The following PCBD2 variants were observed in gnomAD, a reference collection of about 807,000 sequenced individuals.
The protein encoded by PCBD2 is pterin-4-alpha-carbinolamine dehydratase 2.
PCBD2 carries 12 observed loss-of-function variants against 16.4 expected under a neutral mutation model. The ratio of observed to expected loss-of-function variants is 0.73; its 90% CI spans 0.47 to 1.19. The LOEUF (loss-of-function observed/expected upper bound fraction) is 1.19, where lower values mean the gene tolerates loss of function less well. PCBD2 is among the 50% of genes most tolerant of loss of function. The pLI is 0.00. For missense variants in PCBD2, 138 were observed against 156.8 expected, an observed-to-expected ratio of 0.88 and a Z score of 0.64; for synonymous variants, 58 against 61.8, an observed-to-expected ratio of 0.94 and a Z score of 0.29.
intron 2 of PCBD2, among the ~76,000 whole-genome samples, chr5:134,921,790 C>T (rs1750906707): frequency 6.6e-6 from 1 of 152,224 alleles, no homozygotes; most frequent in Non-Finnish European, 1.5e-5. Context: ...GGCCTGGATA[C>T]AGCTGCCTTC....
At chr5:134,927,269 A>G (rs4999023) in intron 2 of PCBD2, 2 of 398,192 alleles carry the variant, frequency 5.0e-6, no homozygotes, top group Admixed American at 4.4e-5. Flanking sequence ...GGTAGGCTAT[A>G]TGTTTTGTCA....
intron 2 of PCBD2, among the ~76,000 whole-genome samples, chr5:134,929,392 C>T (rs548754128): frequency 6.7e-6 from 1 of 149,652 alleles, no homozygotes; most frequent in South Asian, 2.1e-4. Flanking sequence ...AATGTCATGT[C>T]ACAGAATCCA....
At chr5:134,917,103 G>A (rs1750842941) in intron 2 of PCBD2, among the ~76,000 whole-genome samples, 1 of 152,240 alleles carries the variant, frequency 6.6e-6, no homozygotes, top group South Asian at 2.1e-4. Context: ...AGAAATGTGG[G>A]TGTGAGAGTC....
chr5:134,950,105 A>G (rs1251370469), intron 2 of PCBD2, among the ~76,000 whole-genome samples: 1 of 152,270 alleles, frequency 6.6e-6, no homozygotes, highest in Non-Finnish European at 1.5e-5. Context: ...ATTTCCTTCC[A>G]TAGCAATTGT....
chr5:134,949,015 A>C (rs1751330405), intron 2 of PCBD2, among the ~76,000 whole-genome samples: 1 of 152,034 alleles, frequency 6.6e-6, no homozygotes, highest in South Asian at 2.1e-4. Flanking sequence ...GTGGCGGATC[A>C]AGTAGATGGC....
At chr5:134,937,570 C>T (rs991293797) in intron 2 of PCBD2, among the ~76,000 whole-genome samples, 1 of 152,248 alleles carries the variant, frequency 6.6e-6, no homozygotes, top group African/African-American at 2.4e-5. Flanking sequence ...CAGCGGACAT[C>T]CGCTAATCCA....
intron 1 of PCBD2, among the ~76,000 whole-genome samples, chr5:134,909,849 A>G (rs319595): frequency 0.82 from 124,289 of 152,188 alleles, 51,398 homozygotes; most frequent in African/African-American, 0.95. Context: ...TGGGCAGATC[A>G]CTTGAGCTCA....
At chr5:134,927,640 T>C (rs1401155418) in intron 2 of PCBD2, 3 of 397,956 alleles carry the variant, frequency 7.5e-6, no homozygotes, top group East Asian at 7.1e-5. Flanking sequence ...CATCGGGTGA[T>C]GATAGCCAGG....
At chr5:134,959,977 A>G (rs193057955) in intron 3 of PCBD2, among the ~76,000 whole-genome samples, 1 of 126,246 alleles carries the variant, frequency 7.9e-6, no homozygotes, top group African/African-American at 3.1e-5. Context: ...TGCAGCCTCC[A>G]CCTCCCGGGT....
intron 2 of PCBD2, among the ~76,000 whole-genome samples, chr5:134,939,257 A>C (rs1004929877): frequency 1.3e-5 from 2 of 152,120 alleles, no homozygotes; most frequent in Admixed American, 6.5e-5. Context: ...AGTGGTACAC[A>C]GACAGAAGGT....
At chr5:134,924,922 A>G in intron 2 of PCBD2, 1 of 390,798 alleles carries the variant, frequency 2.6e-6, no homozygotes. Flanking sequence ...TGGGGATTTT[A>G]TTTTGAGTTT....
chr5:134,938,392 CTGAA>C (rs774223000), intron 2 of PCBD2, among the ~76,000 whole-genome samples: 1 of 152,210 alleles, frequency 6.6e-6, no homozygotes, highest in Non-Finnish European at 1.5e-5. Flanking sequence ...AACCTTTTCT[CTGAA>C]TGACCATTTT....
chr5:134,926,694 G>C (rs898496450), intron 2 of PCBD2: 2 of 397,026 alleles, frequency 5.0e-6, no homozygotes, highest in African/African-American at 4.1e-5. Context: ...GGGGTTGAGG[G>C]ATAGGAGGAG....
intron 2 of PCBD2, among the ~76,000 whole-genome samples, chr5:134,914,547 G>A (rs1348722119): frequency 1.3e-5 from 2 of 152,156 alleles, no homozygotes; most frequent in Non-Finnish European, 2.9e-5. Context: ...TGCAATGGAG[G>A]AACAGAGGGA....
intron 2 of PCBD2, among the ~76,000 whole-genome samples, chr5:134,943,740 G>T (rs929372785): frequency 1.1e-4 from 16 of 152,170 alleles, no homozygotes; most frequent in Non-Finnish European, 1.5e-4. Flanking sequence ...GACTGCAGTG[G>T]AGCTGGGGTT....
intron 2 of PCBD2, among the ~76,000 whole-genome samples, chr5:134,951,222 T>C (rs1261451852): frequency 3.3e-5 from 5 of 152,214 alleles, no homozygotes; most frequent in Admixed American, 2.0e-4. Flanking sequence ...CCAGAGATAT[T>C]AATGCATACA....
intron 2 of PCBD2, among the ~76,000 whole-genome samples, chr5:134,948,610 TA>T (rs1751325493): frequency 6.6e-6 from 1 of 152,194 alleles, no homozygotes; most frequent in Non-Finnish European, 1.5e-5. Context: ...GCTTTTCATT[TA>T]ACAGTATATG....
chr5:134,940,178 T>C (rs1244537499), intron 2 of PCBD2, among the ~76,000 whole-genome samples: 1 of 152,220 alleles, frequency 6.6e-6, no homozygotes, highest in East Asian at 1.9e-4. Flanking sequence ...CATTATACTC[T>C]GCATGGCCCA....
In PCBD2 at chr5:134,952,285, A is replaced by G. The variant is rs150481856; in HGVS notation, c.217-6755A>G. Among the ~76,000 whole-genome samples, 639 of 152,222 alleles carry G rather than the reference A, an allele frequency of 4.2e-3. 6 individuals are homozygous for G. Among genetic ancestry groups the G allele is most frequent in the African/African-American group, 0.014 (594 of 41,534 alleles). On this transcript the variant is annotated intron_variant, in intron 2 of 3. Coordinates refer to ENST00000254908, the MANE Select transcript of PCBD2 (RefSeq NM_032151.5). ...ATTCTATCGTATTAAGGAAGGATGC[A>G]TCTATTCCTATCTATCAGCATTCCA...
Sources: allele counts gnomAD v4.1 joint callset (sites outside exome capture counted in the v4.1 genomes callset), GRCh38; gene constraint gnomAD v4.1.1; transcripts MANE v1.5; gene names NCBI Gene and HGNC (gene_info 2026-07-23, HGNC 2026-07-21).